SCHIP1: variants seen among roughly 807,000 people sequenced by gnomAD.
SCHIP1 encodes schwannomin-interacting protein 1.
A neutral mutation model predicts 29.7 loss-of-function variants in SCHIP1; 8 were observed. That is an observed-to-expected ratio of 0.27 (90% CI 0.16 to 0.49). SCHIP1 has a LOEUF of 0.49. Ranked by LOEUF, SCHIP1 falls within the 20% of genes least tolerant of loss-of-function variation. The pLI, the probability that SCHIP1 is intolerant of heterozygous loss-of-function variation, is 0.99. For missense variants in SCHIP1, 193 were observed against 294.6 expected (o/e 0.66, Z 2.52); for synonymous variants, 76 against 94.9 (o/e 0.80, Z 1.16).
the SCHIP1 span, among the ~76,000 whole-genome samples, chr3:159,516,771 T>A: frequency 2.0e-5 from 3 of 152,228 alleles, no homozygotes; most frequent in Admixed American, 6.5e-5. Flanking sequence ...CCTGTTGTCG[T>A]CCCTGCTGCA....
the SCHIP1 span, among the ~76,000 whole-genome samples, chr3:159,637,901 G>C: frequency 1.3e-5 from 2 of 152,238 alleles, no homozygotes; most frequent in African/African-American, 4.8e-5. Flanking sequence ...TATGCCCATA[G>C]AATTAAGACT....
chr3:159,543,985 A>G, the SCHIP1 span, among the ~76,000 whole-genome samples: 2 of 152,132 alleles, frequency 1.3e-5, no homozygotes, highest in African/African-American at 4.8e-5. Flanking sequence ...AAATGAACAC[A>G]ACCATGCAAC....
the SCHIP1 span, among the ~76,000 whole-genome samples, chr3:159,550,123 A>AGATATCTTAAGAAAATTAATTATCTTAC: frequency 6.6e-6 from 1 of 151,886 alleles, no homozygotes; most frequent in Non-Finnish European, 1.5e-5. Flanking sequence ...AATTATCTTA[A>AGATATCTTAAGAAAATTAATTATCTTAC]TTATCTTTCT....
intron 5 of SCHIP1, among the ~76,000 whole-genome samples, chr3:159,889,782 G>C (rs1717309271): frequency 6.6e-6 from 1 of 152,188 alleles, no homozygotes; most frequent in East Asian, 1.9e-4. Flanking sequence ...TGATAAAGGT[G>C]TTGCAGTTAT....
At chr3:159,595,772 A>T in the SCHIP1 span, among the ~76,000 whole-genome samples, 15 of 152,220 alleles carry the variant, frequency 9.9e-5, no homozygotes, top group Admixed American at 9.8e-4. Flanking sequence ...ATGAAAATGC[A>T]TGGCTTTCAT....
chr3:159,564,147 A>G, the SCHIP1 span, among the ~76,000 whole-genome samples: 1 of 152,132 alleles, frequency 6.6e-6, no homozygotes, highest in Admixed American at 6.6e-5. Context: ...TCATTTTGTC[A>G]AACTTCTGTA....
chr3:159,639,190 A>C, the SCHIP1 span, among the ~76,000 whole-genome samples: 2 of 152,186 alleles, frequency 1.3e-5, no homozygotes, highest in Non-Finnish European at 2.9e-5. Context: ...TATCAGATCA[A>C]ATCATTATTG....
At chr3:159,379,696 C>T in the SCHIP1 span, among the ~76,000 whole-genome samples, 3 of 152,140 alleles carry the variant, frequency 2.0e-5, no homozygotes, top group South Asian at 6.2e-4. Context: ...ATTCTTCTAA[C>T]TCAGAGTTAT....
the SCHIP1 span, among the ~76,000 whole-genome samples, chr3:159,332,670 G>A: frequency 6.6e-6 from 1 of 152,124 alleles, no homozygotes; most frequent in Non-Finnish European, 1.5e-5. Context: ...TAGATCATGG[G>A]AATGAATATC....
the SCHIP1 span, among the ~76,000 whole-genome samples, chr3:159,716,777 C>A: frequency 6.6e-6 from 1 of 152,160 alleles, no homozygotes; most frequent in African/African-American, 2.4e-5. Flanking sequence ...TAGACTCCCA[C>A]ACAATAATAA....
chr3:159,470,815 T>TTA, the SCHIP1 span, among the ~76,000 whole-genome samples: 1 of 152,004 alleles, frequency 6.6e-6, no homozygotes, highest in African/African-American at 2.4e-5. Context: ...AATGAAGTAT[T>TTA]GATATATATA....
At chr3:159,527,827 G>T in the SCHIP1 span, among the ~76,000 whole-genome samples, 1 of 151,886 alleles carries the variant, frequency 6.6e-6, no homozygotes, top group Non-Finnish European at 1.5e-5. Context: ...AATCTTTCAT[G>T]CATGAAGCCT....
intron 1 of SCHIP1, among the ~76,000 whole-genome samples, chr3:159,854,345 T>C (rs1461342232): frequency 2.0e-5 from 3 of 152,210 alleles, no homozygotes; most frequent in Admixed American, 2.0e-4. Flanking sequence ...CGTATAGTAA[T>C]GTAAAATATG....
At chr3:159,633,941 A>C in the SCHIP1 span, among the ~76,000 whole-genome samples, 1 of 152,206 alleles carries the variant, frequency 6.6e-6, no homozygotes. Context: ...ACAGTAAAAA[A>C]AGCAATAATT....
the SCHIP1 span, among the ~76,000 whole-genome samples, chr3:159,724,054 G>A: frequency 6.6e-6 from 1 of 152,114 alleles, no homozygotes; most frequent in Non-Finnish European, 1.5e-5. Flanking sequence ...ACCACTAGAA[G>A]TTCCTGTATT....
intron 1 of SCHIP1, among the ~76,000 whole-genome samples, chr3:159,844,118 T>C (rs1711511393): frequency 6.6e-6 from 1 of 152,220 alleles, no homozygotes; most frequent in Non-Finnish European, 1.5e-5. Flanking sequence ...TCTTGTGTCA[T>C]TTCTTCTGAG....
the SCHIP1 span, among the ~76,000 whole-genome samples, chr3:159,467,037 A>G: frequency 2.6e-5 from 4 of 152,250 alleles, no homozygotes; most frequent in South Asian, 2.1e-4. Flanking sequence ...TCCTGTTAAT[A>G]TAAAACCTCC....
At chr3:159,827,282 T>G in the SCHIP1 span, among the ~76,000 whole-genome samples, 1 of 152,184 alleles carries the variant, frequency 6.6e-6, no homozygotes, top group African/African-American at 2.4e-5. Flanking sequence ...AGGAAACTCT[T>G]TAGTACGAAA....
At chr3:159,583,521 T>C in the SCHIP1 span, among the ~76,000 whole-genome samples, 2 of 152,184 alleles carry the variant, frequency 1.3e-5, no homozygotes, top group African/African-American at 2.4e-5. Flanking sequence ...CTGAAATGGA[T>C]AGTGTATAGT....
Sources: allele counts gnomAD v4.1 joint callset (sites outside exome capture counted in the v4.1 genomes callset), GRCh38; gene constraint gnomAD v4.1.1; transcripts MANE v1.5; gene names NCBI Gene and HGNC (gene_info 2026-07-23, HGNC 2026-07-21).